Variants in PTPRT observed in about 807,000 individuals in gnomAD.
PTPRT encodes the protein protein tyrosine phosphatase receptor type T.
A neutral mutation model predicts 176.8 loss-of-function variants in PTPRT; 56 were observed. That is an observed-to-expected ratio of 0.32 (90% CI 0.26 to 0.40). The LOEUF (loss-of-function observed/expected upper bound fraction) is 0.40. Among genes scored for constraint, PTPRT ranks in the 10% least tolerant of loss-of-function variants. The probability of loss-of-function intolerance (pLI) is 1.00; values close to 1 mark genes in which losing one functional copy is unlikely to be tolerated. For synonymous variants in PTPRT, 783 were observed against 739.0 expected (o/e 1.06, Z -0.96); for missense variants, 1,540 against 1,908.2 (o/e 0.81, Z 3.60).
At chr20:42,725,717 T>C (rs1253806431) in intron 6 of PTPRT, among the ~76,000 whole-genome samples, 1 of 152,080 alleles carries the variant, frequency 6.6e-6, no homozygotes, top group Non-Finnish European at 1.5e-5. Context: ...ACACTGTTGG[T>C]GGGAATGTAA....
At chr20:42,346,784 T>C (rs1390121677) in intron 11 of PTPRT, among the ~76,000 whole-genome samples, 4 of 152,104 alleles carry the variant, frequency 2.6e-5, no homozygotes. Flanking sequence ...CCTGCCTGAG[T>C]GGGGTCTGAA....
intron 27 of PTPRT, among the ~76,000 whole-genome samples, chr20:42,091,451 C>A (rs539928454): frequency 1.3e-5 from 2 of 152,238 alleles, no homozygotes; most frequent in Non-Finnish European, 2.9e-5. Flanking sequence ...TTTCAGTGCA[C>A]CTTAGTTATG....
At chr20:43,100,160 G>C (rs943087425) in intron 1 of PTPRT, among the ~76,000 whole-genome samples, 11 of 152,152 alleles carry the variant, frequency 7.2e-5, no homozygotes, top group Non-Finnish European at 5.9e-5. Flanking sequence ...TGGATGACTT[G>C]AGATCAGGAG....
chr20:42,714,496 A>G (rs2076193964), intron 6 of PTPRT, among the ~76,000 whole-genome samples: 1 of 152,240 alleles, frequency 6.6e-6, no homozygotes, highest in Non-Finnish European at 1.5e-5. Context: ...AAAGTACACT[A>G]TGTAGCAGAC....
chr20:43,128,237 T>C (rs1221011235), intron 1 of PTPRT, among the ~76,000 whole-genome samples: 1 of 152,206 alleles, frequency 6.6e-6, no homozygotes, highest in Non-Finnish European at 1.5e-5. Context: ...AACTGGGAGA[T>C]GTTCAGTTGA....
chr20:42,470,421 G>T (rs1362870419), intron 8 of PTPRT, among the ~76,000 whole-genome samples: 1 of 151,978 alleles, frequency 6.6e-6, no homozygotes, highest in Non-Finnish European at 1.5e-5. Flanking sequence ...CCCCTTCCTT[G>T]TCCCACTTCC....
intron 1 of PTPRT, chr20:42,970,839 T>A (rs894349149): frequency 6.6e-6 from 1 of 152,246 alleles, no homozygotes; most frequent in African/African-American, 2.4e-5. Context: ...CGTGGTAATA[T>A]GGTAAAATAC....
At chr20:43,188,669 G>C (rs2146496477) in intron 1 of PTPRT, among the ~76,000 whole-genome samples, 1 of 150,288 alleles carries the variant, frequency 6.7e-6, no homozygotes, top group African/African-American at 2.4e-5. Context: ...AAAAGCAATC[G>C]GTGCTAAGAA....
chr20:42,438,785 C>A (rs1601025890), intron 9 of PTPRT, among the ~76,000 whole-genome samples: 1 of 152,298 alleles, frequency 6.6e-6, no homozygotes, highest in East Asian at 1.9e-4. Flanking sequence ...ACATGGTTTG[C>A]TATCCTTAGG....
intron 1 of PTPRT, among the ~76,000 whole-genome samples, chr20:42,963,461 T>C (rs1238556490): frequency 1.3e-5 from 2 of 151,284 alleles, no homozygotes; most frequent in East Asian, 3.8e-4. Context: ...ATGGGGTCAT[T>C]TTTAAAAAAT....
intron 7 of PTPRT, among the ~76,000 whole-genome samples, chr20:42,665,998 C>T (rs922740792): frequency 7.3e-5 from 11 of 151,266 alleles, no homozygotes; most frequent in African/African-American, 2.2e-4. Context: ...TGTTAAATGA[C>T]GAGTTAATGG....
chr20:42,090,732 G>C (rs1246989207), intron 27 of PTPRT, among the ~76,000 whole-genome samples: 1 of 152,118 alleles, frequency 6.6e-6, no homozygotes, highest in Admixed American at 6.6e-5. Flanking sequence ...GTTTCTTAAG[G>C]CTCAGGAAAT....
intron 9 of PTPRT, among the ~76,000 whole-genome samples, chr20:42,373,669 G>C (rs2058616248): frequency 6.6e-6 from 1 of 152,322 alleles, no homozygotes; most frequent in Non-Finnish European, 1.5e-5. Flanking sequence ...GCAATGACTT[G>C]ACCCTGACCA....
At chr20:42,376,494 G>C (rs903869215) in intron 9 of PTPRT, among the ~76,000 whole-genome samples, 8 of 152,146 alleles carry the variant, frequency 5.3e-5, no homozygotes, top group Non-Finnish European at 1.0e-4. Flanking sequence ...TTCTGGAAAA[G>C]AAATGCCACA....
At chr20:43,151,725 T>TGCC (rs2014361679) in intron 1 of PTPRT, among the ~76,000 whole-genome samples, 1 of 152,008 alleles carries the variant, frequency 6.6e-6, no homozygotes, top group African/African-American at 2.4e-5. Flanking sequence ...TAGCCAGGCA[T>TGCC]GGTGGCACAT....
At chr20:42,654,029 G>A (rs2075078745) in intron 7 of PTPRT, among the ~76,000 whole-genome samples, 1 of 152,150 alleles carries the variant, frequency 6.6e-6, no homozygotes, top group South Asian at 2.1e-4. Flanking sequence ...AGGAAAAAGG[G>A]CGCAGAAAGG....
intron 17 of PTPRT, among the ~76,000 whole-genome samples, chr20:42,150,230 A>T (rs1217164562): frequency 6.6e-6 from 1 of 151,936 alleles, no homozygotes; most frequent in Non-Finnish European, 1.5e-5. Context: ...TCCCAATTCA[A>T]GGCTGAGGGC....
chr20:43,009,595 G>C (rs1985021045), intron 1 of PTPRT, among the ~76,000 whole-genome samples: 1 of 152,182 alleles, frequency 6.6e-6, no homozygotes, highest in African/African-American at 2.4e-5. Context: ...AGGCCTCAAG[G>C]GAACTTGGAG....
chr20:42,173,718 C>T (rs1016002697), intron 16 of PTPRT, among the ~76,000 whole-genome samples: 4 of 151,940 alleles, frequency 2.6e-5, no homozygotes, highest in South Asian at 2.1e-4. Flanking sequence ...AGCTGAGGGG[C>T]GTGCATGGAA....
Sources: allele counts gnomAD v4.1 joint callset (sites outside exome capture counted in the v4.1 genomes callset), GRCh38; gene constraint gnomAD v4.1.1; transcripts MANE v1.5; gene names NCBI Gene and HGNC (gene_info 2026-07-23, HGNC 2026-07-21).